SMARCA4: variants seen among roughly 807,000 people sequenced by gnomAD.
SMARCA4 encodes the protein SWI/SNF related BAF chromatin remodeling complex subunit ATPase 4.
A neutral mutation model predicts 193.9 loss-of-function variants in SMARCA4; 31 were observed. The ratio of observed to expected loss-of-function variants is 0.16; its 90% CI spans 0.12 to 0.22. SMARCA4 has a LOEUF of 0.22. Among genes scored for constraint, SMARCA4 ranks in the 10% least tolerant of loss-of-function variants. The pLI is 1.00. For missense variants in SMARCA4, 1,148 were observed against 2,296.0 expected, an observed-to-expected ratio of 0.50 and a Z score of 10.22; for synonymous variants, 942 against 933.1, an observed-to-expected ratio of 1.01 and a Z score of -0.17.
intron 32 of SMARCA4, among the ~76,000 whole-genome samples, chr19:11,059,474 CAGA>C (rs370806393): frequency 6.2e-4 from 94 of 152,364 alleles, no homozygotes; most frequent in African/African-American, 2.1e-3. Context: ...AGAGATTGTG[CAGA>C]AGGAGGGAGG....
chr19:11,036,523 A>G (rs2075279616), intron 29 of SMARCA4, among the ~76,000 whole-genome samples: 2 of 152,138 alleles, frequency 1.3e-5, no homozygotes, highest in Non-Finnish European at 2.9e-5. Context: ...CCTGCAGAGT[A>G]GCTGGGATTA....
At chr19:11,042,449 T>C (rs2075673935) in intron 30 of SMARCA4, among the ~76,000 whole-genome samples, 2 of 152,202 alleles carry the variant, frequency 1.3e-5, no homozygotes, top group Non-Finnish European at 2.9e-5. Flanking sequence ...AGTCTTCCAC[T>C]CTCCAAGGTC....
Position 10,986,838 on chromosome 19 carries a change from C to T in SMARCA4, c.761-67C>T, listed in dbSNP as rs986557778. 2.1e-6 allele frequency: 3 copies of T among 1,410,016 alleles called. No individual in the cohort carries two copies. Among genetic ancestry groups the T allele is most frequent in the Non-Finnish European group, 3.0e-6 (3 of 996,708 alleles). The allele number at this position is 1,410,016 out of a possible 1,614,324, so 87.3% of individuals were successfully genotyped here. A position where few individuals can be genotyped will look rare whatever the true frequency, so the allele number is the denominator to read the frequency against. Reference sequence around the variant, plus strand: ...TGTGTCCCCTGGAGCCAGGGCTGCCCACGGGGCTGGGCGCAGGCATAAACC... The same window carrying T: ...TGTGTCCCCTGGAGCCAGGGCTGCCTACGGGGCTGGGCGCAGGCATAAACC... On this transcript the variant is annotated intron_variant, in intron 4 of 34. Coordinates refer to ENST00000344626, the MANE Select transcript of SMARCA4 (RefSeq NM_003072.5). This position sits in a 1 kb window ranked among gnomAD's most constrained non-coding sequence, Gnocchi z 6.7.
In SMARCA4 at chr19:11,058,727, A is replaced by C; in HGVS notation, c.4534-61A>C. ...CCCGTGGGGTCTCCAGCACACAGCCAGGCCTGCGGGCAGGCGAGGCGGGGT... is the reference window on the plus strand; with the variant it reads ...CCCGTGGGGTCTCCAGCACACAGCCCGGCCTGCGGGCAGGCGAGGCGGGGT... On this transcript the variant is annotated intron_variant, in intron 31 of 34. Coordinates refer to ENST00000344626, the MANE Select transcript of SMARCA4 (RefSeq NM_003072.5). The surrounding 1 kb of genome is among the most constrained non-coding windows in gnomAD (Gnocchi z 5.8). The C allele has an allele frequency of 7.1e-7, 1 of 1,404,102 alleles. No individual in the cohort carries two copies. The allele number at this position is 1,404,102 out of a possible 1,614,324, so 87.0% of individuals were successfully genotyped here.
At chr19:11,035,235 T>C (rs2075198914) in intron 29 of SMARCA4, 103 bp downstream of exon 29, 5 of 1,105,444 alleles carry the variant, frequency 4.5e-6, no homozygotes, top group African/African-American at 3.1e-5. Context: ...CCAAAATGCT[T>C]TCCTTGGGCC....
intron 1 of SMARCA4, among the ~76,000 whole-genome samples, chr19:10,972,391 C>T (rs1599837366): frequency 2.0e-5 from 3 of 151,020 alleles, no homozygotes; most frequent in East Asian, 3.9e-4. Context: ...CCACCACGTC[C>T]GGCCCTGAAT....
At chr19:10,964,898 G>A (rs747375655) in intron 1 of SMARCA4, among the ~76,000 whole-genome samples, 18 of 152,024 alleles carry the variant, frequency 1.2e-4, no homozygotes, top group Non-Finnish European at 2.2e-4. Flanking sequence ...TGGGATTATA[G>A]GCGTGAGCCA....
chr19:11,004,732 A>G (rs953832775), intron 13 of SMARCA4, among the ~76,000 whole-genome samples: 1 of 152,042 alleles, frequency 6.6e-6, no homozygotes, highest in Non-Finnish European at 1.5e-5. Context: ...GTAATTTCTG[A>G]TATGATTGGG....
At chr19:10,998,091 T>G in intron 11 of SMARCA4, among the ~76,000 whole-genome samples, 1 of 152,186 alleles carries the variant, frequency 6.6e-6, no homozygotes, top group East Asian at 1.9e-4. Context: ...GGTCTCATGT[T>G]GCCCAGGCTG....
chr19:11,010,252 T>C, intron 14 of SMARCA4, 129 bp from the exon 15 acceptor site: 2 of 1,054,682 alleles, frequency 1.9e-6, no homozygotes, highest in Admixed American at 1.7e-5. Flanking sequence ...TGCACCTCTA[T>C]GTGTCTTACA....
intron 29 of SMARCA4, among the ~76,000 whole-genome samples, chr19:11,037,859 C>T (rs886148566): frequency 1.3e-5 from 2 of 152,158 alleles, no homozygotes; most frequent in Non-Finnish European, 2.9e-5. Context: ...ATCCAGTTGT[C>T]CCAGCAGCAT....
chr19:10,983,134 G>A (rs2085701388), intron 1 of SMARCA4, among the ~76,000 whole-genome samples: 1 of 152,104 alleles, frequency 6.6e-6, no homozygotes, highest in Non-Finnish European at 1.5e-5. Context: ...AGCCAGCGAG[G>A]GCCTTCAGCC....
intron 13 of SMARCA4, among the ~76,000 whole-genome samples, chr19:11,003,627 T>C (rs1443607062): frequency 6.6e-6 from 1 of 152,180 alleles, no homozygotes; most frequent in African/African-American, 2.4e-5. Flanking sequence ...TTACATAAAA[T>C]TTAAGACTCA....
intron 1 of SMARCA4, among the ~76,000 whole-genome samples, chr19:10,967,867 T>TA (rs150604831): frequency 6.0e-5 from 9 of 150,200 alleles, no homozygotes; most frequent in East Asian, 2.0e-4. Flanking sequence ...TATTTTTTTT[T>TA]AATTTTTATT....
In SMARCA4 at chr19:11,007,944, C is replaced by G. The variant is rs773252889; in HGVS notation, c.2044C>G (p.Leu682Val). 23 of 1,613,648 alleles carry G rather than the reference C, an allele frequency of 1.4e-5. No individual in the cohort carries two copies. Among genetic ancestry groups the G allele is most frequent in the African/African-American group, 5.3e-5 (4 of 74,874 alleles). ...EQPQAAQPPT[L>V]PVEEKKKIPD... ...GCCGCAGGCAGCACAGCCTCCCACC[C>G]TGCCCGTGGAGGAGAAGAAGAAGAT... Residue 682 changes from leucine to valine, a missense_variant, in exon 14 of 35, where the codon CTG becomes GTG. This residue lies in a region of SMARCA4 where 115 missense variants were observed against 175.1 expected (regional missense o/e 0.66). Coordinates refer to ENST00000344626, the MANE Select transcript of SMARCA4 (RefSeq NM_003072.5).
Position 11,031,348 on chromosome 19 carries a change from C to T in SMARCA4, c.3546+455C>T, listed in dbSNP as rs115123050. The T allele has an allele frequency of 3.0e-3, 612 of 204,682 alleles. 4 individuals carry two copies. Among genetic ancestry groups the T allele is most frequent in the African/African-American group, 0.013 (556 of 43,840 alleles). The allele number at this position is 204,682 out of a possible 1,614,324, so 12.7% of individuals were successfully genotyped here. On this transcript the variant is annotated intron_variant, in intron 25 of 34. Coordinates refer to ENST00000344626, the MANE Select transcript of SMARCA4 (RefSeq NM_003072.5). This position sits in a 1 kb window ranked among gnomAD's most constrained non-coding sequence, Gnocchi z 4.3. ...ACCATGTACCCCTCATGGGCCTCGG[C>T]ATCGGTGGATACCAGGTCATGCTGT...
At position 11,033,493 on chromosome 19, in the gene SMARCA4, C is replaced by T. The variant is rs747426212; in HGVS notation, c.3750C>T (p.Ile1250=). ...SHERRAFLQA[I]LEHEEQDESR... is the part of the protein sequence containing the mutation. ...AGCGGCGCGCCTTCCTGCAGGCCAT[C>T]CTGGAGCACGAGGAGCAGGATGAGG... is the stretch of plus-strand genomic sequence containing the variant. The change falls in exon 26 of 35, where the codon ATC becomes ATT. Residue 1250 remains isoleucine (I), a synonymous_variant. Transcript: ENST00000344626. The surrounding 1 kb of genome is among the most constrained non-coding windows in gnomAD (Gnocchi z 9.8). 5.0e-6 allele frequency: 8 copies of T among 1,613,044 alleles called. No individual in the cohort carries two copies. The South Asian group carries it at 8.8e-5, about 18-fold the overall frequency.
intron 20 of SMARCA4, 69 bp from the exon 21 acceptor site, chr19:11,024,262 G>C: frequency 1.9e-6 from 2 of 1,051,974 alleles, no homozygotes; most frequent in South Asian, 2.5e-5. Flanking sequence ...GGTCAGAGCT[G>C]GGTTCGGATG....
At chr19:11,003,426 C>T in intron 13 of SMARCA4, 29 bp downstream of exon 13, 1 of 1,592,092 alleles carries the variant, frequency 6.3e-7, no homozygotes, top group Non-Finnish European at 8.6e-7. Flanking sequence ...GCTTTCAAGG[C>T]TCTCAGTGCC....
Sources: gnomAD v4.1 joint callset for allele counts (sites outside exome capture counted in the v4.1 genomes callset) on GRCh38, gnomAD v4.1.1 for gene constraint, gnomAD v4.1.1 regional missense constraint, Gnocchi (gnomAD v3.1) non-coding constraint, MANE v1.5 for transcripts, NCBI Gene and HGNC (gene_info 2026-07-23, HGNC 2026-07-21) for gene names.